Variants in DNAAF9 observed in about 807,000 individuals in gnomAD.
DNAAF9 encodes the protein shulin.
DNAAF9 carries 90 observed loss-of-function variants against 167.0 expected under a neutral mutation model. The ratio of observed to expected loss-of-function variants is 0.54; its 90% CI spans 0.45 to 0.64. The LOEUF is 0.64. DNAAF9 is among the 30% of genes least tolerant of loss of function. DNAAF9 has a pLI of 0.00. For synonymous variants in DNAAF9, 491 were observed against 508.8 expected (o/e 0.96, Z 0.47); for missense variants, 1,315 against 1,442.2 (o/e 0.91, Z 1.43).
chr20:3,323,089 G>A (rs896320633), intron 14 of DNAAF9, among the ~76,000 whole-genome samples: 1 of 151,230 alleles, frequency 6.6e-6, no homozygotes, highest in African/African-American at 2.4e-5. Context: ...GGCCTTCAGA[G>A]TTGAGAAATA....
In DNAAF9 at chr20:3,348,464, A is replaced by G. The variant is rs2070240890; in HGVS notation, c.789+61T>C. 4.4e-6 allele frequency: 4 copies of G among 910,292 alleles called. No homozygotes were observed. In the South Asian group the frequency reaches 5.7e-5, roughly 13 times the overall value. The allele number at this position is 910,292 out of a possible 1,614,324, so 56.4% of individuals were successfully genotyped here. On this transcript the variant is annotated intron_variant, in intron 8 of 36. Coordinates refer to ENST00000252032, the MANE Select transcript of DNAAF9 (RefSeq NM_001009984.3). Reference sequence around the variant, plus strand: ...GTATTTTGAAAAAAATTTAATAAAAAATTAAAACAATAAATAAATTAACCA... The same window carrying G: ...GTATTTTGAAAAAAATTTAATAAAAGATTAAAACAATAAATAAATTAACCA...
intron 20 of DNAAF9, among the ~76,000 whole-genome samples, chr20:3,310,023 C>T (rs988601855): frequency 2.0e-5 from 3 of 151,842 alleles, no homozygotes; most frequent in African/African-American, 7.3e-5. Flanking sequence ...AGAAACCCTA[C>T]CTCTACTAAA....
chr20:3,322,956 G>A (rs2069642807), intron 14 of DNAAF9, among the ~76,000 whole-genome samples: 1 of 151,990 alleles, frequency 6.6e-6, no homozygotes, highest in South Asian at 2.1e-4. Context: ...CACAACAGGA[G>A]AAAATGACAT....
At chr20:3,286,748 T>C (rs973766843) in intron 27 of DNAAF9, among the ~76,000 whole-genome samples, 1 of 152,196 alleles carries the variant, frequency 6.6e-6, no homozygotes, top group Non-Finnish European at 1.5e-5. Context: ...ATTCCCATCA[T>C]CACAGCCAGG....
At chr20:3,344,800 T>A (rs1174929811) in intron 8 of DNAAF9, among the ~76,000 whole-genome samples, 1 of 152,164 alleles carries the variant, frequency 6.6e-6, no homozygotes, top group African/African-American at 2.4e-5. Context: ...AGTGTGCTTG[T>A]CTCATGGTCT....
At chr20:3,389,857 A>C (rs1311769150) in intron 1 of DNAAF9, among the ~76,000 whole-genome samples, 1 of 152,012 alleles carries the variant, frequency 6.6e-6, no homozygotes. Flanking sequence ...CCAACGTGGC[A>C]AAACCCTGTC....
At chr20:3,269,904 G>A (rs1240501233) in intron 30 of DNAAF9, among the ~76,000 whole-genome samples, 5 of 151,152 alleles carry the variant, frequency 3.3e-5, no homozygotes, top group Admixed American at 2.6e-4. Context: ...CTTGCAGTGA[G>A]CCGAGATCGC....
At chr20:3,390,371 CTTT>C (rs34917762) in intron 1 of DNAAF9, among the ~76,000 whole-genome samples, 3 of 141,134 alleles carry the variant, frequency 2.1e-5, no homozygotes, top group East Asian at 2.1e-4. Context: ...TATTCTCTCA[CTTT>C]TTTTTTTTTT....
At chr20:3,357,299 C>T (rs1243687549) in intron 7 of DNAAF9, among the ~76,000 whole-genome samples, 1 of 152,042 alleles carries the variant, frequency 6.6e-6, no homozygotes, top group East Asian at 1.9e-4. Context: ...TGGCAAAACC[C>T]CATCTCCAGT....
intron 27 of DNAAF9, among the ~76,000 whole-genome samples, chr20:3,283,329 A>T (rs1372610344): frequency 2.0e-5 from 3 of 152,146 alleles, no homozygotes; most frequent in African/African-American, 7.2e-5. Flanking sequence ...TCATCTGTAA[A>T]AAGGCCCTTG....
At chr20:3,324,742 G>A in intron 14 of DNAAF9, 150 bp downstream of exon 14, 1 of 615,780 alleles carries the variant, frequency 1.6e-6, no homozygotes, top group Non-Finnish European at 2.9e-6. Context: ...CTAAGTGAAG[G>A]CTGAATCATG....
intron 20 of DNAAF9, among the ~76,000 whole-genome samples, chr20:3,311,521 G>A (rs1397809947): frequency 2.0e-5 from 3 of 152,174 alleles, no homozygotes; most frequent in Admixed American, 2.0e-4. Flanking sequence ...GAGAAGCTGG[G>A]ATTACAGGCA....
At chr20:3,358,690 T>G (rs1028717865) in intron 7 of DNAAF9, among the ~76,000 whole-genome samples, 1 of 152,226 alleles carries the variant, frequency 6.6e-6, no homozygotes, top group African/African-American at 2.4e-5. Context: ...TTTCTCAGCA[T>G]GCCCACTCAA....
intron 33 of DNAAF9, among the ~76,000 whole-genome samples, chr20:3,257,886 C>T (rs2068309062): frequency 6.6e-6 from 1 of 152,178 alleles, no homozygotes; most frequent in African/African-American, 2.4e-5. Context: ...TCCGCCACCA[C>T]ACCCAGCTAA....
intron 21 of DNAAF9, among the ~76,000 whole-genome samples, chr20:3,299,747 T>G (rs2069150569): frequency 6.6e-6 from 1 of 152,230 alleles, no homozygotes; most frequent in Admixed American, 6.5e-5. Context: ...TGCCTGACCT[T>G]TTGCCAGCAG....
At position 3,315,509 on chromosome 20, in the gene DNAAF9, A is replaced by G. The variant is rs996796181; in HGVS notation, c.1590+226T>C. On this transcript the variant is annotated intron_variant, in intron 19 of 36. Coordinates refer to ENST00000252032, the MANE Select transcript of DNAAF9 (RefSeq NM_001009984.3). The surrounding 1 kb of genome is among the most constrained non-coding windows in gnomAD (Gnocchi z 4.1). ...AATATTATGGGGAGATTTTTAAAAG[A>G]ACACCAGAAGGCCCTGATGGAATAA... 6.6e-6 allele frequency among the ~76,000 whole-genome samples: 1 copy of G among 152,210 alleles called. No individual in the cohort carries two copies. Among genetic ancestry groups the G allele is most frequent in the African/African-American group, 2.4e-5 (1 of 41,450 alleles).
At chr20:3,362,699 G>A (rs1387237257) in intron 6 of DNAAF9, among the ~76,000 whole-genome samples, 1 of 152,062 alleles carries the variant, frequency 6.6e-6, no homozygotes, top group Non-Finnish European at 1.5e-5. Context: ...TCCAAACATT[G>A]TCAAATGTCT....
intron 33 of DNAAF9, among the ~76,000 whole-genome samples, chr20:3,257,541 T>C (rs1485072196): frequency 6.6e-6 from 1 of 151,840 alleles, no homozygotes; most frequent in Non-Finnish European, 1.5e-5. Flanking sequence ...GAAATAAAAA[T>C]ATTTATTTAT....
chr20:3,338,621 T>C (rs904555101), intron 10 of DNAAF9, among the ~76,000 whole-genome samples: 6 of 151,942 alleles, frequency 3.9e-5, no homozygotes, highest in African/African-American at 1.2e-4. Context: ...ATTATACCTT[T>C]TGAAATTGTC....
Sources: gnomAD v4.1 joint callset for allele counts (sites outside exome capture counted in the v4.1 genomes callset) on GRCh38, gnomAD v4.1.1 for gene constraint, Gnocchi (gnomAD v3.1) non-coding constraint, MANE v1.5 for transcripts, NCBI Gene and HGNC (gene_info 2026-07-23, HGNC 2026-07-21) for gene names.